The following CRPPA variants were observed in gnomAD, a reference collection of about 807,000 sequenced individuals.
CRPPA encodes the protein D-ribitol-5-phosphate cytidylyltransferase.
CRPPA carries 43 observed loss-of-function variants against 52.0 expected under a neutral mutation model. That is an observed-to-expected ratio of 0.83 (90% CI 0.65 to 1.07). CRPPA has a LOEUF of 1.07. Among genes scored for constraint, CRPPA ranks in the 50% least tolerant of loss-of-function variants. The pLI, the probability that CRPPA is intolerant of heterozygous loss-of-function variation, is 0.00. For missense variants in CRPPA, 629 were observed against 551.7 expected (o/e 1.14, Z -1.40); for synonymous variants, 250 against 203.5 (o/e 1.23, Z -1.94).
intron 3 of CRPPA, among the ~76,000 whole-genome samples, chr7:16,312,284 T>C (rs1236787329): frequency 6.6e-6 from 1 of 152,032 alleles, no homozygotes; most frequent in African/African-American, 2.4e-5. Context: ...TGTAGTTCTT[T>C]GAAGTCTTTC....
chr7:16,228,900 A>G (rs1232946683), intron 8 of CRPPA, among the ~76,000 whole-genome samples: 1 of 151,900 alleles, frequency 6.6e-6, no homozygotes, highest in Non-Finnish European at 1.5e-5. Flanking sequence ...ATGTTAAAGT[A>G]CCCTACAATT....
chr7:16,213,700 G>C (rs1782217876), intron 9 of CRPPA, among the ~76,000 whole-genome samples: 1 of 150,770 alleles, frequency 6.6e-6, no homozygotes, highest in Non-Finnish European at 1.5e-5. Context: ...AATGAGCCGA[G>C]ATTGTGCCAT....
At chr7:16,316,351 A>G (rs996679734) in intron 3 of CRPPA, among the ~76,000 whole-genome samples, 33 of 152,250 alleles carry the variant, frequency 2.2e-4, no homozygotes, top group Admixed American at 1.8e-3. Context: ...TGCCATGTAC[A>G]CACTATTCTT....
intron 8 of CRPPA, among the ~76,000 whole-genome samples, chr7:16,250,420 C>T (rs865927852): frequency 3.3e-5 from 5 of 152,108 alleles, no homozygotes; most frequent in Middle Eastern, 6.8e-3. Flanking sequence ...GACACAGAAT[C>T]GTCAGACTGA....
At chr7:16,233,966 C>T (rs1396766443) in intron 8 of CRPPA, among the ~76,000 whole-genome samples, 3 of 152,074 alleles carry the variant, frequency 2.0e-5, no homozygotes, top group South Asian at 2.1e-4. Context: ...AGAAAAAATG[C>T]TTCTGTACCT....
chr7:16,174,406 C>T (rs1039178826), intron 9 of CRPPA, among the ~76,000 whole-genome samples: 1 of 151,916 alleles, frequency 6.6e-6, no homozygotes, highest in African/African-American at 2.4e-5. Context: ...AAAAGCAGCC[C>T]CATAGACAAC....
chr7:16,394,766 C>G (rs1032749784), intron 2 of CRPPA, among the ~76,000 whole-genome samples: 2 of 151,934 alleles, frequency 1.3e-5, no homozygotes, highest in East Asian at 1.9e-4. Flanking sequence ...AGTTGTACAA[C>G]AAGAAGAGAG....
At chr7:16,264,111 A>C (rs1783890904) in intron 6 of CRPPA, among the ~76,000 whole-genome samples, 1 of 152,218 alleles carries the variant, frequency 6.6e-6, no homozygotes, top group African/African-American at 2.4e-5. Context: ...TTGAGTAAAG[A>C]AACTTAGATT....
intron 8 of CRPPA, among the ~76,000 whole-genome samples, chr7:16,254,820 A>AGAAAGAAAGAAC (rs1783582801): frequency 1.3e-5 from 2 of 149,126 alleles, no homozygotes; most frequent in African/African-American, 4.9e-5. Flanking sequence ...AAAGAAAGAA[A>AGAAAGAAAGAAC]GAAAGAAAGA....
chr7:16,161,543 C>T (rs1349163493), intron 9 of CRPPA, among the ~76,000 whole-genome samples: 1 of 152,174 alleles, frequency 6.6e-6, no homozygotes, highest in Non-Finnish European at 1.5e-5. Flanking sequence ...CCAACTTGAT[C>T]ATGGTGGATA....
rs183114712 is a variant in CRPPA at position 16,089,514 on chromosome 7, T to C, written c.*2181A>G. The C allele has an allele frequency of 8.8e-3, 2,213 of 252,082 alleles. 9 individuals are homozygous for C. The highest frequency in any genetic ancestry group is 0.011 in the Non-Finnish European group (1,315 of 121,026). 15.6% of individuals were successfully genotyped at this position (252,082 alleles called of 1,614,324 possible). On this transcript the variant is annotated 3_prime_UTR_variant, in exon 10 of 10. Coordinates refer to ENST00000407010, the MANE Select transcript of CRPPA (RefSeq NM_001101426.4). Reference sequence around the variant, plus strand: ...ATATATGTACGTACATACATAGATATGGGTATATATGTACGTACATACATA... The same window carrying C: ...ATATATGTACGTACATACATAGATACGGGTATATATGTACGTACATACATA...
intron 2 of CRPPA, among the ~76,000 whole-genome samples, chr7:16,397,573 G>C (rs1034091598): frequency 7.1e-6 from 1 of 140,854 alleles, no homozygotes; most frequent in African/African-American, 3.2e-5. Flanking sequence ...CAATTTGACT[G>C]ACATATGAGA....
rs186532361 is a variant in CRPPA, at chr7:16,399,717, C to T, written c.534+6344G>A. Among the ~76,000 whole-genome samples, 36 of 152,012 alleles carry T rather than the reference C, an allele frequency of 2.4e-4. No homozygotes were observed. The East Asian group carries it at 7.0e-3, about 29-fold the overall frequency. ...AGCAACACGTGACCAACATGACTGA[C>T]ATGACTGACATATGATTGACATGTA... On this transcript the variant is annotated intron_variant, in intron 2 of 9. Coordinates refer to ENST00000407010, the MANE Select transcript of CRPPA (RefSeq NM_001101426.4).
chr7:16,148,981 CACAAAAACTT>C (rs1196217418), intron 9 of CRPPA, among the ~76,000 whole-genome samples: 2 of 152,168 alleles, frequency 1.3e-5, no homozygotes, highest in Non-Finnish European at 2.9e-5. Context: ...ATAAAACCTC[CACAAAAACTT>C]ACAAAAAATA....
chr7:16,240,757 T>C (rs769940526), intron 8 of CRPPA, among the ~76,000 whole-genome samples: 1 of 152,124 alleles, frequency 6.6e-6, no homozygotes, highest in Non-Finnish European at 1.5e-5. Context: ...CCTAGTCTAG[T>C]AATAATAGAG....
chr7:16,375,238 A>C (rs762783795), intron 3 of CRPPA, among the ~76,000 whole-genome samples: 48 of 151,974 alleles, frequency 3.2e-4, no homozygotes, highest in Non-Finnish European at 6.5e-4. Flanking sequence ...CCTTATGGCC[A>C]CTCTTCTATC....
chr7:16,281,627 GGTAA>G (rs1475400234), intron 5 of CRPPA, among the ~76,000 whole-genome samples: 20 of 152,200 alleles, frequency 1.3e-4, no homozygotes, highest in South Asian at 2.1e-4. Flanking sequence ...ATAATGAGTT[GGTAA>G]GTGTTTTTCC....
At chr7:16,371,844 G>A (rs1027396357) in intron 3 of CRPPA, among the ~76,000 whole-genome samples, 2 of 151,816 alleles carry the variant, frequency 1.3e-5, no homozygotes, top group Non-Finnish European at 2.9e-5. Flanking sequence ...AAATTCCAGA[G>A]AAATAGATAT....
chr7:16,091,677 G>C lies in CRPPA; in HGVS notation c.*18C>G, dbSNP rs368961207. The C allele has an allele frequency of 7.3e-7, 1 of 1,377,228 alleles. No individual in the cohort carries two copies. The highest frequency in any genetic ancestry group is 1.0e-6 in the Non-Finnish European group (1 of 993,042). 85.3% of individuals were successfully genotyped at this position (1,377,228 alleles called of 1,614,324 possible). A position where few individuals can be genotyped will look rare whatever the true frequency, so the allele number is the denominator to read the frequency against. Reference sequence around the variant, plus strand: ...ACGCAAATAGATGTTTTAGAAAATAGGTAATTTTTTGTGTTCTTCATGCTA... The same window carrying C: ...ACGCAAATAGATGTTTTAGAAAATACGTAATTTTTTGTGTTCTTCATGCTA... On this transcript the variant is annotated 3_prime_UTR_variant, in exon 10 of 10. Transcript: ENST00000407010.
Sources: allele counts gnomAD v4.1 joint callset (sites outside exome capture counted in the v4.1 genomes callset), GRCh38; gene constraint gnomAD v4.1.1; transcripts MANE v1.5; gene names NCBI Gene and HGNC (gene_info 2026-07-23, HGNC 2026-07-21).